The following KANSL1L variants were observed in gnomAD, a reference collection of about 807,000 sequenced individuals.
KANSL1L encodes the protein KAT8 regulatory NSL complex subunit 1 like, also known as KAT8 regulatory NSL complex subunit 1-like protein.
KANSL1L carries 25 observed loss-of-function variants against 108.6 expected under a neutral mutation model. The ratio of observed to expected loss-of-function variants is 0.23; its 90% CI spans 0.17 to 0.32. KANSL1L has a LOEUF of 0.32. Ranked by LOEUF, KANSL1L falls within the 10% of genes least tolerant of loss-of-function variation. The probability of loss-of-function intolerance (pLI) is 1.00; values close to 1 mark genes in which losing one functional copy is unlikely to be tolerated. For synonymous variants in KANSL1L, 405 were observed against 395.1 expected (o/e 1.03, Z -0.30); for missense variants, 1,137 against 1,125.7 (o/e 1.01, Z -0.14).
In KANSL1L at chr2:210,092,587, T is replaced by G. The variant is rs183581670; in HGVS notation, c.1550+5499A>C. On this transcript the variant is annotated intron_variant, in intron 5 of 14. Coordinates refer to ENST00000281772, the MANE Select transcript of KANSL1L (RefSeq NM_152519.4). ...TTTATTTCTATAATCAGGCTACCATTTTAAAGTCATCAGTGTTTGGTAATT... is the reference window on the plus strand; with the variant it reads ...TTTATTTCTATAATCAGGCTACCATGTTAAAGTCATCAGTGTTTGGTAATT... Among the ~76,000 whole-genome samples the G allele has an allele frequency of 2.0e-5, 3 of 152,364 alleles. No homozygotes were observed. The East Asian group carries it at 5.8e-4, about 29-fold the overall frequency.
Position 210,044,887 on chromosome 2 carries a change from A to C in KANSL1L, c.1756-783T>G, listed in dbSNP as rs1251235894. Among the ~76,000 whole-genome samples, 1 of 152,066 alleles carries C rather than the reference A, an allele frequency of 6.6e-6. No individual in the cohort carries two copies. Among genetic ancestry groups the C allele is most frequent in the Admixed American group, 6.5e-5 (1 of 15,276 alleles). ...CGGGTTCAAGCGATTCTCCTGCCTC[A>C]GCCTCCTGAGTAACTGGGATTACAG... On this transcript the variant is annotated intron_variant, in intron 6 of 14. Coordinates refer to ENST00000281772, the MANE Select transcript of KANSL1L (RefSeq NM_152519.4). The surrounding 1 kb of genome is among the most constrained non-coding windows in gnomAD (Gnocchi z 4.2).
At chr2:210,058,499 T>A (rs1376298881) in intron 6 of KANSL1L, among the ~76,000 whole-genome samples, 1 of 152,084 alleles carries the variant, frequency 6.6e-6, no homozygotes, top group Admixed American at 6.6e-5. Flanking sequence ...CCACACCCTA[T>A]TCGTACAGTC....
At chr2:210,074,229 T>C (rs2094527115) in intron 6 of KANSL1L, among the ~76,000 whole-genome samples, 1 of 152,210 alleles carries the variant, frequency 6.6e-6, no homozygotes. Context: ...GTTCCAATTA[T>C]TCACTTAAAA....
chr2:210,094,059 G>A (rs955804142), intron 5 of KANSL1L, among the ~76,000 whole-genome samples: 1 of 152,224 alleles, frequency 6.6e-6, no homozygotes, highest in Non-Finnish European at 1.5e-5. Context: ...TGAAAGCAAG[G>A]AAGAATGGGA....
At chr2:210,153,070 T>C (rs1360870521) in intron 2 of KANSL1L, 1 of 155,518 alleles carries the variant, frequency 6.4e-6, no homozygotes, top group Non-Finnish European at 1.4e-5. Context: ...TAAAAGATTA[T>C]GGTGGCTGGA....
At position 210,029,019 on chromosome 2, in the gene KANSL1L, A is replaced by G. The variant is rs753792257; in HGVS notation, c.2272-50T>C. ...TTACAGTACTGTCTAGTTACTTGTAATGATACCCTCCTTTCATCAGTTATG... is the reference window on the plus strand; with the variant it reads ...TTACAGTACTGTCTAGTTACTTGTAGTGATACCCTCCTTTCATCAGTTATG... On this transcript the variant is annotated intron_variant, in intron 10 of 14. Transcript: ENST00000281772. 3.5e-6 allele frequency: 5 copies of G among 1,445,136 alleles called. No homozygotes were observed. In the South Asian group the frequency reaches 3.9e-5, roughly 11 times the overall value. 89.5% of individuals were successfully genotyped at this position (1,445,136 alleles called of 1,614,324 possible). A position where few individuals can be genotyped will look rare whatever the true frequency, so the allele number is the denominator to read the frequency against.
At chr2:210,029,473 C>A (rs1467108574) in intron 10 of KANSL1L, among the ~76,000 whole-genome samples, 1 of 151,570 alleles carries the variant, frequency 6.6e-6, no homozygotes, top group African/African-American at 2.4e-5. Flanking sequence ...AACAAACAAA[C>A]AAAAAACAGG....
chr2:210,153,561 G>A lies in KANSL1L; in HGVS notation c.1022C>T (p.Ser341Phe). 6.2e-7 allele frequency: 1 copy of A among 1,614,056 alleles called. No homozygotes were observed. The highest frequency in any genetic ancestry group is 8.5e-7 in the Non-Finnish European group (1 of 1,180,010). Residue 341 changes from serine to phenylalanine, a missense_variant, in exon 2 of 15, where the codon TCC becomes TTC. Physicochemically the swap from Ser to Phe is radical, Grantham distance 155. Transcript: ENST00000281772. ...ATCAGAGCTGCTATCAGTTGCATCG[G>A]AATCCAAACCCTCTTCAACATGAGA... The part of the protein sequence containing the change: ...LLSHVEEGLD[S>F]DATDSSSDDD...
intron 1 of KANSL1L, among the ~76,000 whole-genome samples, chr2:210,155,751 A>G (rs1418788696): frequency 6.6e-6 from 1 of 152,218 alleles, no homozygotes; most frequent in Non-Finnish European, 1.5e-5. Flanking sequence ...AAATAATTTT[A>G]TGTCATTAAC....
chr2:210,038,558 T>C (rs1268728276), intron 8 of KANSL1L, among the ~76,000 whole-genome samples: 1 of 152,036 alleles, frequency 6.6e-6, no homozygotes, highest in South Asian at 2.1e-4. Flanking sequence ...TTTTCATTAT[T>C]ATCATCAAGT....
chr2:210,155,539 C>G (rs1175098595), intron 1 of KANSL1L, among the ~76,000 whole-genome samples: 1 of 152,186 alleles, frequency 6.6e-6, no homozygotes, highest in Non-Finnish European at 1.5e-5. Flanking sequence ...CAATTTTACC[C>G]TTTTCACAAA....
chr2:210,049,289 C>T (rs528793185), intron 6 of KANSL1L, among the ~76,000 whole-genome samples: 5 of 152,048 alleles, frequency 3.3e-5, no homozygotes, highest in African/African-American at 4.8e-5. Flanking sequence ...TTCCACCCCC[C>T]CACCCCTCCA....
At chr2:210,051,955 T>A (rs973054544) in intron 6 of KANSL1L, among the ~76,000 whole-genome samples, 1 of 151,862 alleles carries the variant, frequency 6.6e-6, no homozygotes, top group Non-Finnish European at 1.5e-5. Context: ...TACTAAAAAA[T>A]TTTAATTATA....
At chr2:210,096,662 C>T (rs2094738684) in intron 5 of KANSL1L, 2 of 982,146 alleles carry the variant, frequency 2.0e-6, no homozygotes, top group East Asian at 2.3e-4. Flanking sequence ...CATTCACCTA[C>T]ATTATGACTT....
At chr2:210,152,455 G>T (rs1319482885) in intron 2 of KANSL1L, 1 of 152,196 alleles carries the variant, frequency 6.6e-6, no homozygotes, top group South Asian at 2.1e-4. Context: ...CTATTGGACA[G>T]AGTTGGTCTG....
chr2:210,111,143 G>C (rs1209013930), intron 3 of KANSL1L, among the ~76,000 whole-genome samples: 1 of 150,712 alleles, frequency 6.6e-6, no homozygotes, highest in African/African-American at 2.4e-5. Context: ...ACAAATGAAT[G>C]TGGACTCTGA....
intron 2 of KANSL1L, chr2:210,152,652 T>C (rs891727827): frequency 8.5e-5 from 13 of 152,376 alleles, no homozygotes; most frequent in Middle Eastern, 3.4e-3. Flanking sequence ...CATTATAGTT[T>C]TGTTTTAGTT....
intron 3 of KANSL1L, among the ~76,000 whole-genome samples, chr2:210,124,707 A>G (rs1299435317): frequency 6.6e-6 from 1 of 152,122 alleles, no homozygotes; most frequent in Non-Finnish European, 1.5e-5. Flanking sequence ...TATCAAAACT[A>G]AAAGTGGATT....
At chr2:210,171,617 T>C (rs1264509508), upstream of KANSL1L, 1 of 152,280 alleles carries the variant, frequency 6.6e-6, no homozygotes, top group African/African-American at 2.4e-5. Context: ...GTGCAGCTCC[T>C]GCTTCCTCCC....
Sources: allele counts gnomAD v4.1 joint callset (sites outside exome capture counted in the v4.1 genomes callset), GRCh38; gene constraint gnomAD v4.1.1; non-coding constraint Gnocchi (gnomAD v3.1); transcripts MANE v1.5; gene names NCBI Gene and HGNC (gene_info 2026-07-23, HGNC 2026-07-21).